The following SBF2 variants were observed in gnomAD, a reference collection of about 807,000 sequenced individuals.
SBF2 encodes the protein myotubularin-related protein 13.
A neutral mutation model predicts 225.2 loss-of-function variants in SBF2; 112 were observed. That is an observed-to-expected ratio of 0.50 (90% confidence interval 0.43 to 0.58). The LOEUF is 0.58. Among genes scored for constraint, SBF2 ranks in the 20% least tolerant of loss-of-function variants. The pLI, the probability that SBF2 is intolerant of heterozygous loss-of-function variation, is 0.00. For missense variants in SBF2, 1,996 were observed against 2,206.2 expected, an observed-to-expected ratio of 0.90 and a Z score of 1.91; for synonymous variants, 763 against 773.3, an observed-to-expected ratio of 0.99 and a Z score of 0.22.
chr11:9,780,040 C>G lies in SBF2; in HGVS notation c.*378G>C. The G allele has an allele frequency of 3.4e-6, 1 of 289,962 alleles. No individual in the cohort carries two copies. The highest frequency in any genetic ancestry group is 6.8e-6 in the Non-Finnish European group (1 of 146,584). The allele number at this position is 289,962 out of a possible 1,614,324, so 18.0% of individuals were successfully genotyped here. A position where few individuals can be genotyped will look rare whatever the true frequency, so the allele number is the denominator to read the frequency against. Reference sequence around the variant, plus strand: ...TTTGATTTTTGCTTGTTAAACAGGTCTCCGAGGAAATTATGACCTCAGAGA... The same window carrying G: ...TTTGATTTTTGCTTGTTAAACAGGTGTCCGAGGAAATTATGACCTCAGAGA... On this transcript the variant is annotated 3_prime_UTR_variant, in exon 40 of 40. Transcript: ENST00000256190.
chr11:9,840,009 CGGATCACAA>C (rs575345416), intron 25 of SBF2, among the ~76,000 whole-genome samples: 2 of 152,128 alleles, frequency 1.3e-5, no homozygotes, highest in South Asian at 2.1e-4. Flanking sequence ...CTGAGGTGGG[CGGATCACAA>C]GGTCAGGAGT....
chr11:9,841,778 C>T (rs1856173655), intron 25 of SBF2, among the ~76,000 whole-genome samples: 1 of 152,204 alleles, frequency 6.6e-6, no homozygotes, highest in Non-Finnish European at 1.5e-5. Context: ...AAGTGATCTG[C>T]CTGCCTCAGC....
intron 1 of SBF2, among the ~76,000 whole-genome samples, chr11:10,232,153 G>A (rs1290107657): frequency 6.6e-6 from 1 of 152,210 alleles, no homozygotes; most frequent in Non-Finnish European, 1.5e-5. Context: ...TAAGCCCATT[G>A]GAAAAGCACA....
At chr11:10,088,622 G>A (rs1029764773) in intron 2 of SBF2, among the ~76,000 whole-genome samples, 1 of 152,164 alleles carries the variant, frequency 6.6e-6, no homozygotes, top group African/African-American at 2.4e-5. Flanking sequence ...CTGAAGGGGA[G>A]GTGTCTGGCT....
intron 3 of SBF2, among the ~76,000 whole-genome samples, chr11:10,041,970 C>T (rs1283993200): frequency 7.7e-6 from 1 of 129,798 alleles, no homozygotes; most frequent in Non-Finnish European, 1.7e-5. Context: ...AAAATGGGCT[C>T]TGTATACAAT....
chr11:10,247,397 C>T (rs1336172497), intron 1 of SBF2, among the ~76,000 whole-genome samples: 1 of 151,874 alleles, frequency 6.6e-6, no homozygotes, highest in East Asian at 1.9e-4. Flanking sequence ...AAACAACAAT[C>T]AGGCTGGGCA....
At chr11:9,880,937 G>A (rs1053608697) in intron 17 of SBF2, among the ~76,000 whole-genome samples, 1 of 152,140 alleles carries the variant, frequency 6.6e-6, no homozygotes, top group African/African-American at 2.4e-5. Context: ...AGGAGGAAAA[G>A]GAAACCTATA....
At chr11:10,171,510 T>C (rs1366000987) in intron 2 of SBF2, among the ~76,000 whole-genome samples, 1 of 152,238 alleles carries the variant, frequency 6.6e-6, no homozygotes, top group Non-Finnish European at 1.5e-5. Context: ...ATGAAGGATC[T>C]TTTAAACATT....
At chr11:9,950,800 G>T (rs1427109933) in intron 16 of SBF2, among the ~76,000 whole-genome samples, 1 of 152,202 alleles carries the variant, frequency 6.6e-6, no homozygotes, top group South Asian at 2.1e-4. Flanking sequence ...TGAAGGGACA[G>T]AAACTCAGTA....
chr11:9,853,593 G>A lies in SBF2; in HGVS notation c.2483C>T (p.Thr828Ile), dbSNP rs1477850575. The change falls in exon 20 of 40, where the codon ACA becomes ATA. Residue 828 changes from threonine to isoleucine, a missense_variant. Thr to Ile is a moderately conservative substitution (Grantham distance 89). Transcript: ENST00000256190. ...GTGATCCTGAGTAACTCCACTCTCT[G>A]TACAAACTTTGTCAATAAATCGGGT... ...FITRFIDKVC[T>I]ESGVTQDHIK... is the part of the protein sequence containing the mutation. 2 of 1,613,934 alleles carry A rather than the reference G, an allele frequency of 1.2e-6. No individual in the cohort carries two copies. The highest frequency in any genetic ancestry group is 1.7e-6 in the Non-Finnish European group (2 of 1,179,924).
At chr11:10,112,043 G>A (rs929735470) in intron 2 of SBF2, among the ~76,000 whole-genome samples, 7 of 152,182 alleles carry the variant, frequency 4.6e-5, no homozygotes, top group African/African-American at 1.7e-4. Flanking sequence ...ACAGAAAGAT[G>A]TAGTCTCTAA....
At chr11:10,239,568 C>T (rs61889787) in intron 1 of SBF2, among the ~76,000 whole-genome samples, 1 of 66,194 alleles carries the variant, frequency 1.5e-5, no homozygotes, top group Admixed American at 1.4e-4. Context: ...TAACATCCTG[C>T]TGTAAATTTT....
Position 9,829,567 on chromosome 11 carries a change from T to C in SBF2, c.3653-71A>G, listed in dbSNP as rs977050460. On this transcript the variant is annotated intron_variant, in intron 27 of 39. Transcript: ENST00000256190. Reference sequence around the variant, plus strand: ...AACAAAACAAGTATCTATCTATCTATCTATCTACCTATCTATCTATGCTTA... The same window carrying C: ...AACAAAACAAGTATCTATCTATCTACCTATCTACCTATCTATCTATGCTTA... 87 of 1,275,832 alleles carry C rather than the reference T, an allele frequency of 6.8e-5. No individual in the cohort carries two copies. In the Middle Eastern group the frequency reaches 1.2e-3, roughly 18 times the overall value. The allele number at this position is 1,275,832 out of a possible 1,614,324, so 79.0% of individuals were successfully genotyped here. A position where few individuals can be genotyped will look rare whatever the true frequency, so the allele number is the denominator to read the frequency against.
rs377413880 is a variant in SBF2 at position 10,019,728 on chromosome 11, T to C, written c.619+8724A>G. 3.3e-5 allele frequency among the ~76,000 whole-genome samples: 5 copies of C among 152,082 alleles called. No individual in the cohort carries two copies. In the South Asian group the frequency reaches 6.2e-4, roughly 19 times the overall value. On this transcript the variant is annotated intron_variant, in intron 6 of 39. Coordinates refer to ENST00000256190, the MANE Select transcript of SBF2 (RefSeq NM_030962.4). Reference sequence around the variant, plus strand: ...AAGATTAAAACAAGTAATAATGCTATATGAATAAGCTGAGAAAACTAAGAC... The same window carrying C: ...AAGATTAAAACAAGTAATAATGCTACATGAATAAGCTGAGAAAACTAAGAC...
At chr11:10,092,319 G>T (rs1209773230) in intron 2 of SBF2, among the ~76,000 whole-genome samples, 1 of 151,942 alleles carries the variant, frequency 6.6e-6, no homozygotes, top group African/African-American at 2.4e-5. Context: ...AATTTTTCTA[G>T]AAAATGGGTA....
intron 16 of SBF2, chr11:9,957,369 T>C (rs1035896396): frequency 1.3e-5 from 2 of 152,256 alleles, no homozygotes; most frequent in Non-Finnish European, 2.9e-5. Context: ...GTCTAGATTA[T>C]TTGCTTTGAA....
chr11:10,033,022 G>A (rs981803048), intron 3 of SBF2, among the ~76,000 whole-genome samples: 1 of 152,140 alleles, frequency 6.6e-6, no homozygotes, highest in African/African-American at 2.4e-5. Flanking sequence ...TATCTGTTTA[G>A]TTTTTGTATG....
chr11:10,048,623 G>T (rs946160247), intron 2 of SBF2, among the ~76,000 whole-genome samples: 2 of 152,110 alleles, frequency 1.3e-5, no homozygotes, highest in Non-Finnish European at 2.9e-5. Flanking sequence ...GTCACTTCAA[G>T]ATAAAGATCT....
chr11:9,858,045 G>A (rs1590238644), intron 18 of SBF2, among the ~76,000 whole-genome samples, 181 bp downstream of exon 18: 1 of 152,218 alleles, frequency 6.6e-6, no homozygotes. Flanking sequence ...GTATTAAGAA[G>A]TTATTATGGA....
Sources: allele counts gnomAD v4.1 joint callset (sites outside exome capture counted in the v4.1 genomes callset), GRCh38; gene constraint gnomAD v4.1.1; transcripts MANE v1.5; gene names NCBI Gene and HGNC (gene_info 2026-07-23, HGNC 2026-07-21).